The following CNDP1 variants were observed in gnomAD, a reference collection of about 807,000 sequenced individuals.
CNDP1 encodes carnosine dipeptidase 1.
CNDP1 carries 44 observed loss-of-function variants against 58.1 expected under a neutral mutation model. That is an observed-to-expected ratio of 0.76 (90% CI 0.60 to 0.97). The LOEUF (loss-of-function observed/expected upper bound fraction) is 0.97. Among genes scored for constraint, CNDP1 ranks in the 50% least tolerant of loss-of-function variants. The probability of loss-of-function intolerance (pLI) is 0.00; values close to 1 mark genes in which losing one functional copy is unlikely to be tolerated. For missense variants in CNDP1, 616 were observed against 655.1 expected (o/e 0.94, Z 0.65); for synonymous variants, 254 against 252.6 (o/e 1.01, Z -0.05).
chr18:74,539,759 T>C (rs1036486053), intron 1 of CNDP1, among the ~76,000 whole-genome samples: 1 of 152,118 alleles, frequency 6.6e-6, no homozygotes, highest in Non-Finnish European at 1.5e-5. Context: ...TAATGGAAAG[T>C]TTCAAACATG....
chr18:74,584,631 T>TGTGGG lies in CNDP1; in HGVS notation c.*70_*71insTGGGG. On this transcript the variant is annotated 3_prime_UTR_variant, in exon 12 of 12. Transcript: ENST00000358821. ...CCTCCCCCACATCCCTAGACAGGGATGGAATGTAAATATCCAGAGAATTTG... is the reference window on the plus strand; with the variant it reads ...CCTCCCCCACATCCCTAGACAGGGATGTGGGGGAATGTAAATATCCAGAGAATTTG... 2 of 1,232,636 alleles carry TGTGGG rather than the reference T, an allele frequency of 1.6e-6. No individual in the cohort carries two copies. Among genetic ancestry groups the TGTGGG allele is most frequent in the Non-Finnish European group, 2.4e-6 (2 of 833,386 alleles). The allele number at this position is 1,232,636 out of a possible 1,614,324, so 76.4% of individuals were successfully genotyped here. A position where few individuals can be genotyped will look rare whatever the true frequency, so the allele number is the denominator to read the frequency against.
chr18:74,554,652 A>AG (rs901012107), intron 1 of CNDP1, among the ~76,000 whole-genome samples: 2 of 152,108 alleles, frequency 1.3e-5, no homozygotes, highest in African/African-American at 4.8e-5. Flanking sequence ...GAAGTGATGG[A>AG]GGGGCCCTGC....
At chr18:74,563,029 C>G (rs1039133425) in intron 5 of CNDP1, among the ~76,000 whole-genome samples, 1 of 152,176 alleles carries the variant, frequency 6.6e-6, no homozygotes, top group African/African-American at 2.4e-5. Context: ...CTGCAAGGCT[C>G]TGAGGGCTGA....
intron 6 of CNDP1, among the ~76,000 whole-genome samples, chr18:74,570,825 G>T (rs895432951): frequency 6.6e-6 from 1 of 152,198 alleles, no homozygotes; most frequent in African/African-American, 2.4e-5. Flanking sequence ...CAAGGGAAGA[G>T]AATTTTTCCA....
intron 10 of CNDP1, 31 bp from the exon 11 acceptor site, chr18:74,583,530 C>G: frequency 6.2e-7 from 1 of 1,607,706 alleles, no homozygotes; most frequent in Non-Finnish European, 8.5e-7. Flanking sequence ...TTGTCCTTAC[C>G]CTATTCAAAT....
chr18:74,559,838 T>A (rs147088987), intron 3 of CNDP1, among the ~76,000 whole-genome samples: 1 of 152,156 alleles, frequency 6.6e-6, no homozygotes, highest in African/African-American at 2.4e-5. Context: ...CTCAAAGGGG[T>A]TGTATCTGGA....
At chr18:74,541,584 G>A (rs144923280) in intron 1 of CNDP1, among the ~76,000 whole-genome samples, 227 of 152,296 alleles carry the variant, frequency 1.5e-3, no homozygotes, top group Non-Finnish European at 2.4e-3. Context: ...CATGCGGTTG[G>A]TTTATGGGAG....
intron 2 of CNDP1, among the ~76,000 whole-genome samples, chr18:74,557,994 A>G (rs1981085629): frequency 6.6e-6 from 1 of 152,188 alleles, no homozygotes; most frequent in Non-Finnish European, 1.5e-5. Context: ...TCTCTTCCTA[A>G]GTCCCTCAAA....
Position 74,584,546 on chromosome 18 carries a change from T to A in CNDP1, c.1508T>A (p.Met503Lys), listed in dbSNP as rs1331179667. The A allele has an allele frequency of 6.2e-7, 1 of 1,613,654 alleles. No homozygotes were observed. Among genetic ancestry groups the A allele is most frequent in the African/African-American group, 1.3e-5 (1 of 75,056 alleles). The change falls in exon 12 of 12, where the codon ATG (methionine) becomes AAG (lysine). Residue 503 changes from methionine (M) to lysine (K), a missense_variant. Physicochemically the swap from Met to Lys is moderately conservative, Grantham distance 95. Coordinates refer to ENST00000358821, the MANE Select transcript of CNDP1 (RefSeq NM_032649.6). ...TTATTTGCTGCCTTTTTCTTAGAGA[T>A]GGCCCAGCTCCATTAATCACAAGAA... ...TKLFAAFFLE[M>K]AQLH
chr18:74,556,222 C>A, intron 1 of CNDP1, 116 bp from the exon 2 acceptor site: 3 of 1,145,402 alleles, frequency 2.6e-6, no homozygotes, highest in Non-Finnish European at 3.7e-6. Flanking sequence ...TATTTTATTC[C>A]GACTGACTGG....
rs111380831 is a variant in CNDP1 at position 74,582,796 on chromosome 18, G to A, written c.1310-765G>A. On this transcript the variant is annotated intron_variant, in intron 10 of 11. Transcript: ENST00000358821. ...CCTGGAAGGGAAAAAGGGAAAGACC[G>A]GTGAAATTGAAAGTCTGGAGTGTAG... Among the ~76,000 whole-genome samples, 1,005 of 152,274 alleles carry A rather than the reference G, an allele frequency of 6.6e-3. 8 individuals are homozygous for A. The highest frequency in any genetic ancestry group is 0.023 in the African/African-American group (954 of 41,556).
chr18:74,558,379 T>C (rs949737505), intron 2 of CNDP1, among the ~76,000 whole-genome samples: 3 of 142,122 alleles, frequency 2.1e-5, no homozygotes, highest in African/African-American at 7.9e-5. Flanking sequence ...TTAGGGAGCA[T>C]TACTTTCTTT....
chr18:74,535,967 G>GGCTGCAGTGAGCCATGGTTGCGCC (rs1980476527), intron 1 of CNDP1, among the ~76,000 whole-genome samples: 1 of 152,134 alleles, frequency 6.6e-6, no homozygotes, highest in African/African-American at 2.4e-5. Context: ...GGGAGGTCGA[G>GGCTGCAGTGAGCCATGGTTGCGCC]GCTGCAGTGA....
Position 74,586,273 on chromosome 18 carries a change from GA to G in CNDP1, c.*1713del, listed in dbSNP as rs1475576017. 3 of 152,170 alleles carry G rather than the reference GA, an allele frequency of 2.0e-5. No homozygotes were observed. The highest frequency in any genetic ancestry group is 4.4e-5 in the Non-Finnish European group (3 of 68,026). The allele number at this position is 152,170 out of a possible 1,614,324, so 9.4% of individuals were successfully genotyped here. A position where few individuals can be genotyped will look rare whatever the true frequency, so the allele number is the denominator to read the frequency against. On this transcript the variant is annotated 3_prime_UTR_variant, in exon 12 of 12. Coordinates refer to ENST00000358821, the MANE Select transcript of CNDP1 (RefSeq NM_032649.6). The stretch of plus-strand genomic sequence containing the variant: ...AAGCCATCACATCTCCAATTCTATA[GA>G]ATATCAAGTCATCGTTAAAGAACAG...
chr18:74,540,261 G>A (rs898967402), intron 1 of CNDP1, among the ~76,000 whole-genome samples: 12 of 151,586 alleles, frequency 7.9e-5, no homozygotes, highest in Non-Finnish European at 1.6e-4. Context: ...GGGTTCAAGC[G>A]ATTCTTCTGC....
At chr18:74,539,379 AG>A (rs1183719121) in intron 1 of CNDP1, among the ~76,000 whole-genome samples, 1 of 152,156 alleles carries the variant, frequency 6.6e-6, no homozygotes, top group African/African-American at 2.4e-5. Context: ...TGTCTCACGA[AG>A]GGTCTGAGGA....
In CNDP1 at chr18:74,568,987, A is replaced by G. The variant is rs57342579; in HGVS notation, c.756+1554A>G. On this transcript the variant is annotated intron_variant, in intron 6 of 11. Coordinates refer to ENST00000358821, the MANE Select transcript of CNDP1 (RefSeq NM_032649.6). ...AGGGGCTGAGGTGATCAACGGTGGT[A>G]TTCAGGTTGAACAGGGGAAAAAACA... 4.2e-3 allele frequency among the ~76,000 whole-genome samples: 633 copies of G among 152,216 alleles called. 7 individuals are homozygous for G. Among genetic ancestry groups the G allele is most frequent in the African/African-American group, 0.014 (574 of 41,516 alleles).
At chr18:74,542,266 T>C (rs1980644749) in intron 1 of CNDP1, among the ~76,000 whole-genome samples, 1 of 152,222 alleles carries the variant, frequency 6.6e-6, no homozygotes, top group Non-Finnish European at 1.5e-5. Flanking sequence ...GCCTAATTTA[T>C]TAGTCATTAT....
chr18:74,543,778 T>G (rs535171055), intron 1 of CNDP1, among the ~76,000 whole-genome samples: 5 of 150,896 alleles, frequency 3.3e-5, no homozygotes, highest in Non-Finnish European at 5.9e-5. Context: ...GTAGTAGGAG[T>G]TCTAGAAGAA....
Sources: gnomAD v4.1 joint callset for allele counts (sites outside exome capture counted in the v4.1 genomes callset) on GRCh38, gnomAD v4.1.1 for gene constraint, MANE v1.5 for transcripts, NCBI Gene and HGNC (gene_info 2026-07-23, HGNC 2026-07-21) for gene names.